The following CACNB4 variants were observed in gnomAD, a reference collection of about 807,000 sequenced individuals.
The protein encoded by CACNB4 is voltage-dependent L-type calcium channel subunit beta-4.
A neutral mutation model predicts 71.2 loss-of-function variants in CACNB4; 32 were observed. The observed-to-expected ratio is 0.45, with a 90% CI of 0.34 to 0.60. The LOEUF is 0.60. Among genes scored for constraint, CACNB4 ranks in the 20% least tolerant of loss-of-function variants. The pLI, the probability that CACNB4 is intolerant of heterozygous loss-of-function variation, is 0.01. For missense variants in CACNB4, 464 were observed against 647.9 expected (o/e 0.72, Z 3.08); for synonymous variants, 231 against 236.9 (o/e 0.97, Z 0.23).
chr2:152,082,746 G>A lies in CACNB4; in HGVS notation c.147+15584C>T, dbSNP rs1428264706. Among the ~76,000 whole-genome samples, 6 of 152,322 alleles carry A rather than the reference G, an allele frequency of 3.9e-5. No homozygotes were observed. The East Asian group carries it at 5.8e-4, about 15-fold the overall frequency. On this transcript the variant is annotated intron_variant, in intron 2 of 13. Coordinates refer to ENST00000539935, the MANE Select transcript of CACNB4 (RefSeq NM_000726.5). The stretch of plus-strand genomic sequence containing the variant: ...GTCCCAGAACTTCACTGTTTAGTCA[G>A]TTATTTGAAACTTGCTACATATTTT...
chr2:152,096,962 G>T (rs1362281101), intron 2 of CACNB4, among the ~76,000 whole-genome samples: 1 of 152,146 alleles, frequency 6.6e-6, no homozygotes, highest in Non-Finnish European at 1.5e-5. Flanking sequence ...ATAAACACCA[G>T]CAAGACCTCA....
intron 2 of CACNB4, among the ~76,000 whole-genome samples, chr2:152,008,661 A>G (rs1682871642): frequency 6.6e-6 from 1 of 152,070 alleles, no homozygotes; most frequent in Non-Finnish European, 1.5e-5. Flanking sequence ...GTGATATATA[A>G]TTTATCTAAC....
intron 2 of CACNB4, among the ~76,000 whole-genome samples, chr2:152,044,537 G>C (rs377548367): frequency 1.3e-5 from 2 of 152,114 alleles, no homozygotes; most frequent in African/African-American, 4.8e-5. Flanking sequence ...ATTATTAAAG[G>C]GAAATTTTCT....
intron 2 of CACNB4, among the ~76,000 whole-genome samples, chr2:152,013,634 C>T (rs1192070621): frequency 6.6e-6 from 1 of 152,094 alleles, no homozygotes; most frequent in African/African-American, 2.4e-5. Flanking sequence ...AAGCATGCCC[C>T]GTGCAAAGGA....
intron 2 of CACNB4, among the ~76,000 whole-genome samples, chr2:151,939,163 A>C (rs960898641): frequency 6.6e-5 from 10 of 152,224 alleles, no homozygotes; most frequent in African/African-American, 1.9e-4. Context: ...GGCATCCAAA[A>C]AGCAGGAAGG....
intron 2 of CACNB4, among the ~76,000 whole-genome samples, chr2:152,065,550 T>C (rs1005092649): frequency 5.9e-5 from 9 of 152,218 alleles, no homozygotes; most frequent in African/African-American, 2.2e-4. Flanking sequence ...AATGTGCTAC[T>C]TTGACTAGGT....
chr2:152,012,251 A>G (rs191368431), intron 2 of CACNB4, among the ~76,000 whole-genome samples: 4 of 152,290 alleles, frequency 2.6e-5, no homozygotes, highest in Admixed American at 2.6e-4. Context: ...GAGATGGAAG[A>G]CAGCGAGACT....
chr2:151,946,216 C>A (rs562889896), intron 2 of CACNB4, among the ~76,000 whole-genome samples: 55 of 152,160 alleles, frequency 3.6e-4, no homozygotes, highest in African/African-American at 1.3e-3. Context: ...GTAATCCCAG[C>A]CACTCAGAAG....
At chr2:152,069,727 T>A in intron 2 of CACNB4, among the ~76,000 whole-genome samples, 1 of 152,040 alleles carries the variant, frequency 6.6e-6, no homozygotes, top group Admixed American at 6.5e-5. Context: ...AAAGAGCCCA[T>A]TGCAGGGCCA....
chr2:151,989,287 C>T (rs969418652), intron 2 of CACNB4, among the ~76,000 whole-genome samples: 3 of 152,188 alleles, frequency 2.0e-5, no homozygotes, highest in Non-Finnish European at 2.9e-5. Context: ...TCTATCTGTC[C>T]TTCATAGCCA....
At chr2:152,063,172 T>C (rs1035222058) in intron 2 of CACNB4, among the ~76,000 whole-genome samples, 2 of 152,198 alleles carry the variant, frequency 1.3e-5, no homozygotes, top group Non-Finnish European at 2.9e-5. Flanking sequence ...GAACTGTACA[T>C]AGATGATTCT....
intron 2 of CACNB4, among the ~76,000 whole-genome samples, chr2:152,052,462 T>C (rs953069431): frequency 7.9e-5 from 12 of 151,986 alleles, no homozygotes; most frequent in African/African-American, 1.2e-4. Context: ...CCTGACTAAT[T>C]TTCGTATTCT....
intron 10 of CACNB4, chr2:151,856,588 A>C (rs1466267960): frequency 6.6e-6 from 1 of 152,252 alleles, no homozygotes; most frequent in Non-Finnish European, 1.5e-5. Flanking sequence ...GTGGGACTAC[A>C]GGCATGAGCC....
At position 152,057,399 on chromosome 2, in the gene CACNB4, G is replaced by A. The variant is rs59845454; in HGVS notation, c.147+40931C>T. ...CCACAAAAATTAGGAGAAAACAAAT[G>A]TGTGTTATTCATGCAACAATAATTA... On this transcript the variant is annotated intron_variant, in intron 2 of 13. Transcript: ENST00000539935. Among the ~76,000 whole-genome samples, 216 of 152,268 alleles carry A rather than the reference G, an allele frequency of 1.4e-3. 2 individuals carry two copies. Among genetic ancestry groups the A allele is most frequent in the African/African-American group, 4.8e-3 (201 of 41,552 alleles).
rs1242992214 is a variant in CACNB4 at position 151,957,340 on chromosome 2, A to G, written c.148-73970T>C. Reference sequence around the variant, plus strand: ...CTGATAAAATATATTGTGTTCAATCATTTCTGACCATTCCCTAGATTCCTC... The same window carrying G: ...CTGATAAAATATATTGTGTTCAATCGTTTCTGACCATTCCCTAGATTCCTC... On this transcript the variant is annotated intron_variant, in intron 2 of 13. Transcript: ENST00000539935. Among the ~76,000 whole-genome samples the G allele has an allele frequency of 4.2e-5, 6 of 142,824 alleles. No individual in the cohort carries two copies. The East Asian group carries it at 1.2e-3, about 30-fold the overall frequency. The allele number at this position is 142,824 out of a possible 152,430, so 93.7% of individuals were successfully genotyped here.
intron 2 of CACNB4, among the ~76,000 whole-genome samples, chr2:152,061,844 G>A (rs971444399): frequency 7.3e-5 from 11 of 151,268 alleles, no homozygotes; most frequent in South Asian, 4.2e-4. Flanking sequence ...AAACCCTGTC[G>A]CTACTAAAAA....
chr2:152,069,741 A>T (rs1346377116), intron 2 of CACNB4, among the ~76,000 whole-genome samples: 1 of 151,104 alleles, frequency 6.6e-6, no homozygotes, highest in East Asian at 1.9e-4. Context: ...AGGGCCAGGC[A>T]CTCCAGGTCT....
intron 2 of CACNB4, among the ~76,000 whole-genome samples, chr2:152,047,758 G>A (rs1312929999): frequency 6.6e-6 from 1 of 152,108 alleles, no homozygotes; most frequent in Non-Finnish European, 1.5e-5. Flanking sequence ...AATTAGCTGG[G>A]CATGGTGGCA....
At chr2:151,905,381 G>A (rs1052789157) in intron 2 of CACNB4, among the ~76,000 whole-genome samples, 5 of 152,142 alleles carry the variant, frequency 3.3e-5, no homozygotes, top group African/African-American at 1.2e-4. Context: ...TCTTCCCGAT[G>A]TGCACTCATC....
Sources: allele counts gnomAD v4.1 joint callset (sites outside exome capture counted in the v4.1 genomes callset), GRCh38; gene constraint gnomAD v4.1.1; transcripts MANE v1.5; gene names NCBI Gene and HGNC (gene_info 2026-07-23, HGNC 2026-07-21).